PCGF3: variants seen among roughly 807,000 people sequenced by gnomAD.
PCGF3 encodes polycomb group ring finger 3.
In PCGF3, 7 loss-of-function variants were observed where a neutral mutation model predicts 33.1. The observed-to-expected ratio is 0.21, with a 90% CI of 0.12 to 0.40. The LOEUF (loss-of-function observed/expected upper bound fraction) is 0.40. Ranked by LOEUF, PCGF3 falls within the 10% of genes least tolerant of loss-of-function variation. The probability of loss-of-function intolerance (pLI) is 1.00; values close to 1 mark genes in which losing one functional copy is unlikely to be tolerated. For synonymous variants in PCGF3, 153 were observed against 121.3 expected (o/e 1.26, Z -1.72); for missense variants, 211 against 313.3 (o/e 0.67, Z 2.46).
At chr4:763,440 A>G (rs1745181446) in intron 9 of PCGF3, among the ~76,000 whole-genome samples, 1 of 152,190 alleles carries the variant, frequency 6.6e-6, no homozygotes, top group Non-Finnish European at 1.5e-5. Context: ...CCACTCAGGC[A>G]GGTGGGGCTG....
At chr4:765,680 G>A (rs1272941637) in intron 10 of PCGF3, among the ~76,000 whole-genome samples, 6 of 152,162 alleles carry the variant, frequency 3.9e-5, no homozygotes, top group African/African-American at 1.4e-4. Context: ...TTGCTGCCTG[G>A]GGAGAGGGGG....
intron 10 of PCGF3, among the ~76,000 whole-genome samples, chr4:765,356 C>A (rs998747790): frequency 6.6e-6 from 1 of 152,018 alleles, no homozygotes; most frequent in African/African-American, 2.4e-5. Flanking sequence ...TGGTGTGAAC[C>A]CGGGAGACGA....
At chr4:760,281 G>A (rs1349785400) in intron 8 of PCGF3, among the ~76,000 whole-genome samples, 1 of 151,970 alleles carries the variant, frequency 6.6e-6, no homozygotes, top group Non-Finnish European at 1.5e-5. Flanking sequence ...CTTCCCTTTG[G>A]GGCTCCCGTC....
intron 1 of PCGF3, among the ~76,000 whole-genome samples, chr4:716,788 C>T (rs1383542678): frequency 5.1e-5 from 6 of 116,972 alleles, no homozygotes; most frequent in Admixed American, 2.8e-4. Context: ...AACTGGGCGT[C>T]GGTGCTGGGA....
At chr4:730,410 C>G (rs1469575134) in intron 1 of PCGF3, among the ~76,000 whole-genome samples, 4 of 152,180 alleles carry the variant, frequency 2.6e-5, no homozygotes, top group Admixed American at 6.6e-5. Flanking sequence ...CTCCTGCTGT[C>G]TCCGATGCCT....
At chr4:707,218 C>T (rs1183195573) in intron 1 of PCGF3, among the ~76,000 whole-genome samples, 3 of 151,396 alleles carry the variant, frequency 2.0e-5, no homozygotes, top group Non-Finnish European at 4.4e-5. Context: ...TGGCAGGGCC[C>T]GGGGGGGCTA....
At chr4:730,454 G>A (rs1431971896) in intron 1 of PCGF3, among the ~76,000 whole-genome samples, 176 bp from the exon 2 acceptor site, 1 of 152,104 alleles carries the variant, frequency 6.6e-6, no homozygotes, top group Non-Finnish European at 1.5e-5. Flanking sequence ...GACAGGCACC[G>A]AGACCAGCCC....
chr4:753,245 G>A (rs1256019474), intron 8 of PCGF3, among the ~76,000 whole-genome samples: 3 of 152,240 alleles, frequency 2.0e-5, no homozygotes, highest in African/African-American at 4.8e-5. Flanking sequence ...GTATAGTGGT[G>A]CAATCTCAGC....
At chr4:707,616 TTCCCCTG>T (rs1201667404) in intron 1 of PCGF3, among the ~76,000 whole-genome samples, 1 of 116,146 alleles carries the variant, frequency 8.6e-6, no homozygotes, top group African/African-American at 3.0e-5. Flanking sequence ...CAGCTCTGTT[TTCCCCTG>T]GGGGTCGGGA....
exon 11 of PCGF3, chr4:768,343 T>C (rs2152632751): frequency 6.6e-6 from 1 of 152,610 alleles, no homozygotes; most frequent in South Asian, 2.1e-4. Context: ...TGGAGCGCAA[T>C]GGCCCTGCCG....
intron 9 of PCGF3, chr4:762,209 T>G (rs1161871732): frequency 1.8e-6 from 1 of 553,172 alleles, no homozygotes; most frequent in Non-Finnish European, 2.3e-6. Flanking sequence ...AAATAAAGGA[T>G]TTTGGGATGA....
intron 1 of PCGF3, among the ~76,000 whole-genome samples, chr4:707,714 C>CTGG (rs1319095418): frequency 1.6e-5 from 2 of 127,476 alleles, no homozygotes; most frequent in African/African-American, 5.7e-5. Flanking sequence ...GACCCTGAGA[C>CTGG]AGCTCTGTTT....
intron 5 of PCGF3, 56 bp downstream of exon 5, chr4:735,083 C>G: frequency 1.3e-6 from 2 of 1,563,494 alleles, no homozygotes; most frequent in Non-Finnish European, 1.7e-6. Context: ...CTGGGCGTCT[C>G]TGTGTGTGGG....
exon 11 of PCGF3, chr4:768,694 T>TTAAC (rs1553849940): frequency 1.3e-5 from 2 of 151,248 alleles, no homozygotes; most frequent in South Asian, 2.1e-4. Flanking sequence ...AAAAGAAAAC[T>TTAAC]TAACTTTATA....
intron 8 of PCGF3, among the ~76,000 whole-genome samples, chr4:754,890 G>C (rs562158340): frequency 6.6e-6 from 1 of 152,198 alleles, no homozygotes; most frequent in African/African-American, 2.4e-5. Flanking sequence ...ACTGGGTTTG[G>C]GGCATATTTA....
chr4:764,340 G>A (rs568726199), intron 9 of PCGF3: 1 of 152,404 alleles, frequency 6.6e-6, no homozygotes, highest in South Asian at 2.1e-4. Context: ...TTTGCACTAT[G>A]GTGAGAGGGA....
In PCGF3 at chr4:729,476, T is replaced by A. The variant is rs1743463041; in HGVS notation, c.-189-1154T>A. ...ATCCTTCAGTCCCACAAGCCACAGT[T>A]CAGGTGCTCCACGCCATGTGTGGTC... On this transcript the variant is annotated intron_variant, in intron 1 of 10. Transcript: ENST00000362003. Among the ~76,000 whole-genome samples, 7 of 152,102 alleles carry A rather than the reference T, an allele frequency of 4.6e-5. No homozygotes were observed. The South Asian group carries it at 1.4e-3, about 32-fold the overall frequency.
At chr4:737,107 G>T (rs111601616) in intron 5 of PCGF3, among the ~76,000 whole-genome samples, 1 of 100,610 alleles carries the variant, frequency 9.9e-6, no homozygotes, top group African/African-American at 4.0e-5. Flanking sequence ...CTGCAGGGAC[G>T]GTGTCCCCTG....
chr4:739,077 C>T (rs1046500319), intron 6 of PCGF3, among the ~76,000 whole-genome samples: 5 of 152,170 alleles, frequency 3.3e-5, no homozygotes, highest in African/African-American at 1.2e-4. Context: ...AAGGGTTCTT[C>T]TTAAAGCTCA....
Sources: allele counts gnomAD v4.1 joint callset (sites outside exome capture counted in the v4.1 genomes callset), GRCh38; gene constraint gnomAD v4.1.1; transcripts MANE v1.5; gene names NCBI Gene and HGNC (gene_info 2026-07-23, HGNC 2026-07-21).